ERC2: variants seen among roughly 807,000 people sequenced by gnomAD.
ERC2 encodes the protein ELKS/RAB6-interacting/CAST family member 2.
In ERC2, 42 loss-of-function variants were observed where a neutral mutation model predicts 114.8. That is an observed-to-expected ratio of 0.37 (90% confidence interval 0.29 to 0.47). ERC2 has a LOEUF of 0.47. Among genes scored for constraint, ERC2 ranks in the 20% least tolerant of loss-of-function variants. ERC2 has a pLI of 0.99. For synonymous variants in ERC2, 454 were observed against 425.5 expected (o/e 1.07, Z -0.82); for missense variants, 939 against 1,150.7 (o/e 0.82, Z 2.66).
intron 1 of ERC2, among the ~76,000 whole-genome samples, chr3:56,449,868 A>T (rs1476741547): frequency 6.6e-6 from 1 of 152,246 alleles, no homozygotes; most frequent in African/African-American, 2.4e-5. Context: ...TCAGCCTCAA[A>T]GTTGCCATAG....
intron 12 of ERC2, among the ~76,000 whole-genome samples, chr3:55,985,642 T>C (rs1206434872): frequency 6.6e-6 from 1 of 152,252 alleles, no homozygotes; most frequent in Non-Finnish European, 1.5e-5. Context: ...TTTTTATCCA[T>C]GGCTCCACGT....
intron 14 of ERC2, among the ~76,000 whole-genome samples, chr3:55,760,798 T>C (rs928480261): frequency 6.6e-6 from 1 of 152,190 alleles, no homozygotes; most frequent in African/African-American, 2.4e-5. Context: ...TTTTGACACA[T>C]ATAATAAGCA....
chr3:55,986,158 C>A (rs528543901), intron 11 of ERC2, among the ~76,000 whole-genome samples, 170 bp from the exon 12 acceptor site: 150 of 152,272 alleles, frequency 9.9e-4, no homozygotes, highest in African/African-American at 3.4e-3. Context: ...TATATTACCC[C>A]CAAAAGCCCT....
At chr3:56,359,442 T>C (rs1235324501) in intron 2 of ERC2, among the ~76,000 whole-genome samples, 1 of 152,224 alleles carries the variant, frequency 6.6e-6, no homozygotes, top group East Asian at 1.9e-4. Flanking sequence ...ATAAACAAAC[T>C]CTGTCAGCTG....
At chr3:56,293,855 G>GA (rs1004412164) in intron 3 of ERC2, among the ~76,000 whole-genome samples, 2 of 152,114 alleles carry the variant, frequency 1.3e-5, no homozygotes, top group African/African-American at 4.8e-5. Context: ...CATTTAAATG[G>GA]AGGCAGCCAC....
intron 3 of ERC2, among the ~76,000 whole-genome samples, chr3:56,202,227 T>C (rs2048449447): frequency 6.6e-6 from 1 of 152,204 alleles, no homozygotes. Flanking sequence ...ACCTTATCCA[T>C]GAATTGCAGT....
In ERC2 at chr3:55,905,640, C is replaced by A. The variant is rs893690670; in HGVS notation, c.2404-17091G>T. Reference sequence around the variant, plus strand: ...AATCAAAATATAATTTTGAAAGAGGCGGTATAGTATCTATTGCCTTGCAAA... The same window carrying A: ...AATCAAAATATAATTTTGAAAGAGGAGGTATAGTATCTATTGCCTTGCAAA... On this transcript the variant is annotated intron_variant, in intron 13 of 17. Transcript: ENST00000288221. Among the ~76,000 whole-genome samples, 4 of 152,228 alleles carry A rather than the reference C, an allele frequency of 2.6e-5. No individual in the cohort carries two copies. In the East Asian group the frequency reaches 7.7e-4, roughly 29 times the overall value.
chr3:56,126,762 A>G (rs1002594298), intron 6 of ERC2, among the ~76,000 whole-genome samples: 11 of 149,874 alleles, frequency 7.3e-5, no homozygotes, highest in Non-Finnish European at 1.2e-4. Context: ...AAGAAAAAAA[A>G]GAAGGAAGGA....
chr3:55,782,024 G>A (rs1201650402), intron 14 of ERC2, among the ~76,000 whole-genome samples: 3 of 152,134 alleles, frequency 2.0e-5, no homozygotes, highest in Admixed American at 1.3e-4. Flanking sequence ...GGGATCTGAG[G>A]GGACATTTTA....
intron 2 of ERC2, among the ~76,000 whole-genome samples, chr3:56,338,658 CA>C (rs2057961231): frequency 6.6e-6 from 1 of 152,168 alleles, no homozygotes; most frequent in African/African-American, 2.4e-5. Flanking sequence ...ATGAAGGACA[CA>C]AGGAGAAATG....
intron 2 of ERC2, among the ~76,000 whole-genome samples, chr3:56,427,145 C>G (rs1426315431): frequency 2.0e-5 from 3 of 148,726 alleles, no homozygotes; most frequent in Admixed American, 2.0e-4. Flanking sequence ...CTGGGTCACA[C>G]AGTGAGATCC....
At chr3:56,399,030 T>G (rs1189905350) in intron 2 of ERC2, among the ~76,000 whole-genome samples, 2 of 152,200 alleles carry the variant, frequency 1.3e-5, no homozygotes, top group Non-Finnish European at 2.9e-5. Flanking sequence ...GATGGCCATG[T>G]CAAGTGGGCA....
In ERC2 at chr3:55,940,937, A is replaced by T. The variant is rs2149423866; in HGVS notation, c.2403+9488T>A. On this transcript the variant is annotated intron_variant, in intron 13 of 17. Transcript: ENST00000288221. Reference sequence around the variant, plus strand: ...TACTGTGCCCAATAAAAGGCATGCAAAGAAACAGTTCCACTCAGGAGAAAG... The same window carrying T: ...TACTGTGCCCAATAAAAGGCATGCATAGAAACAGTTCCACTCAGGAGAAAG... Among the ~76,000 whole-genome samples the T allele has an allele frequency of 1.3e-5, 2 of 152,316 alleles. 1 individual carries two copies. The highest frequency in any genetic ancestry group is 4.2e-4 in the South Asian group (2 of 4,818).
Position 55,831,436 on chromosome 3 carries a change from G to A in ERC2, c.2564+56953C>T, listed in dbSNP as rs2060579766. 2.9e-5 allele frequency among the ~76,000 whole-genome samples: 3 copies of A among 104,746 alleles called. No individual in the cohort carries two copies. In the Admixed American group the frequency reaches 3.0e-4, roughly 10 times the overall value. The allele number at this position is 104,746 out of a possible 152,430, so 68.7% of individuals were successfully genotyped here. A position where few individuals can be genotyped will look rare whatever the true frequency, so the allele number is the denominator to read the frequency against. ...GGGGAGGGGAAGGGAAGGGAAGGGA[G>A]GGAAGGGGAGGGGAGAGGAGGGAAG... On this transcript the variant is annotated intron_variant, in intron 14 of 17. Transcript: ENST00000288221.
At chr3:56,260,421 A>G (rs2052836748) in intron 3 of ERC2, among the ~76,000 whole-genome samples, 1 of 152,246 alleles carries the variant, frequency 6.6e-6, no homozygotes, top group South Asian at 2.1e-4. Flanking sequence ...TGAAACAATT[A>G]AAAAACAGGA....
intron 15 of ERC2, among the ~76,000 whole-genome samples, chr3:55,707,933 G>T (rs968969902): frequency 6.0e-4 from 92 of 152,266 alleles, no homozygotes; most frequent in African/African-American, 2.1e-3. Context: ...CAACTAATCA[G>T]AGCTCAAATA....
intron 3 of ERC2, among the ~76,000 whole-genome samples, chr3:56,281,673 A>G (rs547665052): frequency 6.6e-6 from 1 of 152,156 alleles, no homozygotes; most frequent in Non-Finnish European, 1.5e-5. Flanking sequence ...GTAGACTAAC[A>G]TTTATTGTGC....
chr3:55,550,965 G>A (rs2055151742), intron 17 of ERC2, among the ~76,000 whole-genome samples: 1 of 149,008 alleles, frequency 6.7e-6, no homozygotes, highest in Non-Finnish European at 1.5e-5. Context: ...GTAGTGAGCT[G>A]AGATCGCGCC....
rs189202968 is a variant in ERC2 at position 56,341,562 on chromosome 3, T to C, written c.658-45127A>G. The stretch of plus-strand genomic sequence containing the variant: ...AATGACCCTCTGTGAATGGCTTGAG[T>C]CATGAGCTTGCCAATCTTTTAGGGG... On this transcript the variant is annotated intron_variant, in intron 2 of 17. Transcript: ENST00000288221. 5.9e-5 allele frequency among the ~76,000 whole-genome samples: 9 copies of C among 151,390 alleles called. No homozygotes were observed. In the East Asian group the frequency reaches 1.7e-3, roughly 29 times the overall value.
Sources: allele counts gnomAD v4.1 joint callset (sites outside exome capture counted in the v4.1 genomes callset), GRCh38; gene constraint gnomAD v4.1.1; transcripts MANE v1.5; gene names NCBI Gene and HGNC (gene_info 2026-07-23, HGNC 2026-07-21).